Variants in IWS1 observed in about 807,000 individuals in gnomAD.
The protein encoded by IWS1 is interacts with SUPT6H, CTD assembly factor 1, also known as protein IWS1 homolog.
IWS1 carries 27 observed loss-of-function variants against 86.7 expected under a neutral mutation model. That is an observed-to-expected ratio of 0.31 (90% confidence interval 0.23 to 0.43). The LOEUF (loss-of-function observed/expected upper bound fraction) is 0.43. Ranked by LOEUF, IWS1 falls within the 20% of genes least tolerant of loss-of-function variation. The probability of loss-of-function intolerance (pLI) is 1.00; values close to 1 mark genes in which losing one functional copy is unlikely to be tolerated. For missense variants in IWS1, 827 were observed against 1,000.8 expected (o/e 0.83, Z 2.34); for synonymous variants, 313 against 335.1 (o/e 0.93, Z 0.72).
intron 1 of IWS1, among the ~76,000 whole-genome samples, chr2:127,525,883 G>A (rs112701144): frequency 3.0e-4 from 45 of 152,224 alleles, no homozygotes; most frequent in Non-Finnish European, 5.9e-4. Flanking sequence ...TCTCTTAACA[G>A]AAGACACCTC....
At chr2:127,509,074 G>A (rs1037967228) in intron 2 of IWS1, among the ~76,000 whole-genome samples, 7 of 152,146 alleles carry the variant, frequency 4.6e-5, no homozygotes, top group African/African-American at 1.7e-4. Flanking sequence ...GGGCAAAAAA[G>A]GGGAGAAATC....
intron 9 of IWS1, among the ~76,000 whole-genome samples, 195 bp from the exon 10 acceptor site, chr2:127,492,283 G>A (rs1012098027): frequency 1.3e-5 from 2 of 152,148 alleles, no homozygotes; most frequent in Non-Finnish European, 2.9e-5. Context: ...GGTGGCTCAC[G>A]CCTGTAATCC....
chr2:127,484,821 C>T (rs1689839586), intron 13 of IWS1: 1 of 152,130 alleles, frequency 6.6e-6, no homozygotes, highest in African/African-American at 2.4e-5. Context: ...CAGGATGAAA[C>T]CCCGTCTCTA....
chr2:127,503,667 C>T (rs1690934285), intron 3 of IWS1, 91 bp from the exon 4 acceptor site: 1 of 415,152 alleles, frequency 2.4e-6, no homozygotes, highest in Middle Eastern at 4.4e-4. Flanking sequence ...CAGTATACAG[C>T]AAAAATAAAT....
In IWS1 at chr2:127,495,089, T is replaced by C; in HGVS notation, c.1717-135A>G. 8 of 573,914 alleles carry C rather than the reference T, an allele frequency of 1.4e-5. 1 individual carries two copies. The South Asian group carries it at 2.3e-4, about 16-fold the overall frequency. 35.6% of individuals were successfully genotyped at this position (573,914 alleles called of 1,614,324 possible). A position where few individuals can be genotyped will look rare whatever the true frequency, so the allele number is the denominator to read the frequency against. On this transcript the variant is annotated intron_variant, in intron 7 of 13. Transcript: ENST00000295321. ...TCCTACAAGAAAGAATAATTTAAGA[T>C]GGATCTTCTGCAGAGCACCAAGCTC...
chr2:127,507,532 C>T (rs1691208950), intron 2 of IWS1, among the ~76,000 whole-genome samples: 1 of 152,176 alleles, frequency 6.6e-6, no homozygotes, highest in African/African-American at 2.4e-5. Flanking sequence ...AGGCACTTAT[C>T]TATTAAAACG....
chr2:127,496,475 C>T (rs937798042), intron 6 of IWS1, among the ~76,000 whole-genome samples: 3 of 151,904 alleles, frequency 2.0e-5, no homozygotes, highest in Non-Finnish European at 4.4e-5. Context: ...ATTCACTCAT[C>T]ACTCACCCAG....
chr2:127,498,067 C>CAA, intron 6 of IWS1, 73 bp downstream of exon 6: 1 of 1,194,284 alleles, frequency 8.4e-7, no homozygotes, highest in Non-Finnish European at 1.2e-6. Flanking sequence ...AAATGAAAAA[C>CAA]AAAAGAGAGT....
Position 127,483,604 on chromosome 2 carries a change from CTGTGTGTGTGTGTGTGTGTGCGTGTGCG to C in IWS1, c.2329-2457_2329-2430del, listed in dbSNP as rs1363324449. Among the ~76,000 whole-genome samples, 38 of 26,026 alleles carry C rather than the reference CTGTGTGTGTGTGTGTGTGTGCGTGTGCG, an allele frequency of 1.5e-3. 1 individual carries two copies. The highest frequency in any genetic ancestry group is 4.5e-3 in the African/African-American group (37 of 8,234). The allele number at this position is 26,026 out of a possible 152,430, so 17.1% of individuals were successfully genotyped here. A position where few individuals can be genotyped will look rare whatever the true frequency, so the allele number is the denominator to read the frequency against. ...GGGGTGGTGGGGTGGGGGGGTTGGG[CTGTGTGTGTGTGTGTGTGTGCGTGTGCG>C]TGTGTGTGTGTGTGTGTTTTCTAGA... On this transcript the variant is annotated intron_variant, in intron 13 of 13. Transcript: ENST00000295321.
intron 1 of IWS1, 101 bp downstream of exon 1, chr2:127,526,074 G>GT: frequency 8.4e-7 from 1 of 1,196,570 alleles, no homozygotes; most frequent in Non-Finnish European, 1.2e-6. Context: ...GGGAGGGAAG[G>GT]TTTCGGGGGG....
Position 127,526,319 on chromosome 2 carries a change from G to C in IWS1, c.-111C>G. On this transcript the variant is annotated 5_prime_UTR_variant, in exon 1 of 14. Coordinates refer to ENST00000295321, the MANE Select transcript of IWS1 (RefSeq NM_017969.3). ...GCTAAGTGTTCAGAGACTGCCGCCC[G>C]ACCGGAGAACTTAACGGGTGCGGAG... The C allele has an allele frequency of 6.5e-7, 1 of 1,540,202 alleles. No homozygotes were observed. The highest frequency in any genetic ancestry group is 1.2e-5 in the South Asian group (1 of 83,944).
chr2:127,526,748 T>C, upstream of IWS1: 1 of 1,168,642 alleles, frequency 8.6e-7, no homozygotes, highest in Non-Finnish European at 1.2e-6. Context: ...TGAGATACTC[T>C]TCCGAAAAAT....
At chr2:127,523,900 G>T in intron 1 of IWS1, 109 bp from the exon 2 acceptor site, 1 of 704,890 alleles carries the variant, frequency 1.4e-6, no homozygotes, top group Non-Finnish European at 2.4e-6. Context: ...TTACCACTGA[G>T]GAAGCATTAA....
intron 7 of IWS1, 126 bp from the exon 8 acceptor site, chr2:127,495,080 A>G: frequency 1.7e-6 from 1 of 591,392 alleles, no homozygotes; most frequent in Non-Finnish European, 2.9e-6. Flanking sequence ...AAGAAAGAAT[A>G]ATTTAAGATG....
chr2:127,516,972 G>A (rs539367358), intron 2 of IWS1, among the ~76,000 whole-genome samples: 1 of 152,156 alleles, frequency 6.6e-6, no homozygotes, highest in Non-Finnish European at 1.5e-5. Flanking sequence ...AGTAGGAAAA[G>A]TGTTTAGGAA....
chr2:127,493,702 C>G (rs1007791405), intron 8 of IWS1, among the ~76,000 whole-genome samples: 6 of 151,538 alleles, frequency 4.0e-5, no homozygotes, highest in African/African-American at 1.5e-4. Flanking sequence ...ACAATTAACT[C>G]CAATCTTTTC....
intron 12 of IWS1, 89 bp from the exon 13 acceptor site, chr2:127,486,753 A>T (rs1028015632): frequency 1.0e-6 from 1 of 988,068 alleles, no homozygotes. Context: ...TCCTACATCC[A>T]CCCATTAAGC....
intron 9 of IWS1, 105 bp from the exon 10 acceptor site, chr2:127,492,193 T>C (rs1043438094): frequency 1.8e-5 from 13 of 706,676 alleles, no homozygotes; most frequent in African/African-American, 1.8e-4. Flanking sequence ...AAATAAAAAA[T>C]TCCATTTTCA....
At position 127,489,396 on chromosome 2, in the gene IWS1, G is replaced by T; in HGVS notation, c.2160-161C>A. ...TCTTTAAAAAGTACTACTCATTTTA[G>T]TATTCATTTGCATAACAGGTTTCCT... On this transcript the variant is annotated intron_variant, in intron 11 of 13. Coordinates refer to ENST00000295321, the MANE Select transcript of IWS1 (RefSeq NM_017969.3). The surrounding 1 kb of genome is among the most constrained non-coding windows in gnomAD (Gnocchi z 4.8). 1.7e-6 allele frequency: 1 copy of T among 603,972 alleles called. No homozygotes were observed. The highest frequency in any genetic ancestry group is 3.0e-6 in the Non-Finnish European group (1 of 337,876). 37.4% of individuals were successfully genotyped at this position (603,972 alleles called of 1,614,324 possible).
Sources: gnomAD v4.1 joint callset for allele counts (sites outside exome capture counted in the v4.1 genomes callset) on GRCh38, gnomAD v4.1.1 for gene constraint, Gnocchi (gnomAD v3.1) non-coding constraint, MANE v1.5 for transcripts, NCBI Gene and HGNC (gene_info 2026-07-23, HGNC 2026-07-21) for gene names.